Variants in BMS1 observed in about 807,000 individuals in gnomAD.
BMS1 encodes ribosome biogenesis protein BMS1 homolog.
In BMS1, 53 loss-of-function variants were observed where a neutral mutation model predicts 138.7. The ratio of observed to expected loss-of-function variants is 0.38; its 90% CI spans 0.31 to 0.48. The LOEUF (loss-of-function observed/expected upper bound fraction) is 0.48. Ranked by LOEUF, BMS1 falls within the 20% of genes least tolerant of loss-of-function variation. The pLI is 0.97. For synonymous variants in BMS1, 504 were observed against 539.9 expected, an observed-to-expected ratio of 0.93 and a Z score of 0.92; for missense variants, 1,360 against 1,565.5, an observed-to-expected ratio of 0.87 and a Z score of 2.22.
intron 22 of BMS1, 64 bp downstream of exon 22, chr10:42,830,486 C>T: frequency 6.5e-7 from 1 of 1,538,406 alleles, no homozygotes; most frequent in Non-Finnish European, 8.7e-7. Context: ...CTCAATAGCA[C>T]ACTTCCTGTT....
intron 9 of BMS1, among the ~76,000 whole-genome samples, chr10:42,795,212 G>A (rs966593189): frequency 3.2e-4 from 49 of 152,098 alleles, no homozygotes; most frequent in African/African-American, 7.5e-4. Flanking sequence ...TGAATAGTGC[G>A]GCAATAAACA....
chr10:42,831,412 T>C lies in BMS1; in HGVS notation c.*316T>C, dbSNP rs1842797556. On this transcript the variant is annotated 3_prime_UTR_variant, in exon 23 of 23. Coordinates refer to ENST00000374518, the MANE Select transcript of BMS1 (RefSeq NM_014753.4). Reference sequence around the variant, plus strand: ...AAATATTTTTTTGTTACTTTTGGCTTAGTAGTTTTCATTAGGGATGAATGC... The same window carrying C: ...AAATATTTTTTTGTTACTTTTGGCTCAGTAGTTTTCATTAGGGATGAATGC... 4.3e-6 allele frequency: 1 copy of C among 234,596 alleles called. No individual in the cohort carries two copies. Among genetic ancestry groups the C allele is most frequent in the Non-Finnish European group, 8.4e-6 (1 of 119,142 alleles). The allele number at this position is 234,596 out of a possible 1,614,324, so 14.5% of individuals were successfully genotyped here.
chr10:42,823,200 A>G lies in BMS1; in HGVS notation c.3215A>G (p.Lys1072Arg). ...RTVSGIRGQI[K>R]KALRAPEGAF... ...GTCAGTGGGATAAGGGGGCAGATCA[A>G]GAAAGCACTCCGAGCTCCAGAAGGA... The change falls in exon 20 of 23, where the codon AAG becomes AGG. Residue 1072 changes from lysine to arginine, a missense_variant. Around this residue, in one of 3 missense-constraint regions of BMS1, gnomAD observed 425 missense variants for 568.3 expected, o/e 0.75. Transcript: ENST00000374518. 6.2e-7 allele frequency: 1 copy of G among 1,607,804 alleles called. No individual in the cohort carries two copies. The highest frequency in any genetic ancestry group is 1.1e-5 in the South Asian group (1 of 90,142).
rs1327174035 is a variant in BMS1, at chr10:42,833,105, G to T, written c.*2009G>T. Reference sequence around the variant, plus strand: ...AGAGTGGAATCCTTTAGCAATGGGGGAAATAAAAGAATGTTTAATTACAGT... The same window carrying T: ...AGAGTGGAATCCTTTAGCAATGGGGTAAATAAAAGAATGTTTAATTACAGT... On this transcript the variant is annotated 3_prime_UTR_variant, in exon 23 of 23. Coordinates refer to ENST00000374518, the MANE Select transcript of BMS1 (RefSeq NM_014753.4). The T allele has an allele frequency of 6.6e-6, 1 of 152,128 alleles. No individual in the cohort carries two copies. The highest frequency in any genetic ancestry group is 2.4e-5 in the African/African-American group (1 of 41,430). 9.4% of individuals were successfully genotyped at this position (152,128 alleles called of 1,614,324 possible).
At chr10:42,784,695 G>A (rs1841269834) in intron 2 of BMS1, 125 bp downstream of exon 2, 1 of 1,149,446 alleles carries the variant, frequency 8.7e-7, no homozygotes, top group Admixed American at 2.9e-5. Flanking sequence ...GATTCATGGT[G>A]TGTGGCTTTC....
chr10:42,793,475 A>G (rs1193035167), intron 8 of BMS1, among the ~76,000 whole-genome samples: 6 of 151,974 alleles, frequency 3.9e-5, no homozygotes, highest in African/African-American at 7.3e-5. Context: ...CTCATTCACA[A>G]TGGTCTCCTC....
At chr10:42,800,973 C>T (rs958927042) in intron 12 of BMS1, among the ~76,000 whole-genome samples, 3 of 152,174 alleles carry the variant, frequency 2.0e-5, no homozygotes, top group Admixed American at 2.0e-4. Flanking sequence ...CTCTTTATCC[C>T]ACCTGTGGCC....
chr10:42,806,098 T>C (rs985635322), intron 13 of BMS1, among the ~76,000 whole-genome samples: 12 of 152,140 alleles, frequency 7.9e-5, no homozygotes, highest in Non-Finnish European at 1.3e-4. Context: ...TCTAAGTAAA[T>C]ACTTCTTACT....
In BMS1 at chr10:42,833,365, T is replaced by A. The variant is rs1397471292; in HGVS notation, c.*2269T>A. ...ACCTGGCCAGGTTAGTAAAATACAGTCACACATCAGTTAAGGATGGGGATA... is the reference window on the plus strand; with the variant it reads ...ACCTGGCCAGGTTAGTAAAATACAGACACACATCAGTTAAGGATGGGGATA... On this transcript the variant is annotated 3_prime_UTR_variant, in exon 23 of 23. Transcript: ENST00000374518. 6.6e-6 allele frequency: 1 copy of A among 152,238 alleles called. No individual in the cohort carries two copies. Among genetic ancestry groups the A allele is most frequent in the Admixed American group, 6.5e-5 (1 of 15,284 alleles). 9.4% of individuals were successfully genotyped at this position (152,238 alleles called of 1,614,324 possible). A position where few individuals can be genotyped will look rare whatever the true frequency, so the allele number is the denominator to read the frequency against.
In BMS1 at chr10:42,792,522, T is replaced by A; in HGVS notation, c.809T>A (p.Ile270Asn). ...RMEDLTNPED[I>N]RTNIKCDRKV... Reference sequence around the variant, plus strand: ...GAAGATTTGACAAACCCAGAGGATATCCGAACAAACATCAAATGTGACCGG... The same window carrying A: ...GAAGATTTGACAAACCCAGAGGATAACCGAACAAACATCAAATGTGACCGG... The change falls in exon 7 of 23, where the codon ATC becomes AAC. Residue 270 changes from isoleucine (I) to asparagine (N), a missense_variant. Ile to Asn is a moderately radical substitution (Grantham distance 149). Coordinates refer to ENST00000374518, the MANE Select transcript of BMS1 (RefSeq NM_014753.4). 1 of 1,611,826 alleles carries A rather than the reference T, an allele frequency of 6.2e-7. No homozygotes were observed. Among genetic ancestry groups the A allele is most frequent in the Non-Finnish European group, 8.5e-7 (1 of 1,179,794 alleles).
rs550396032 is a variant in BMS1 at position 42,784,669 on chromosome 10, C to G, written c.176+99C>G. 22 of 1,344,178 alleles carry G rather than the reference C, an allele frequency of 1.6e-5. No individual in the cohort carries two copies. The South Asian group carries it at 3.7e-4, about 22-fold the overall frequency. 83.3% of individuals were successfully genotyped at this position (1,344,178 alleles called of 1,614,324 possible). ...ATTTGGATTCACGAGTCTAGTCCAG[C>G]TCCAAAGGACATGGAGATTCATGGT... On this transcript the variant is annotated intron_variant, in intron 2 of 22. Coordinates refer to ENST00000374518, the MANE Select transcript of BMS1 (RefSeq NM_014753.4).
chr10:42,816,556 C>T lies in BMS1; in HGVS notation c.2330-43C>T, dbSNP rs374528239. The stretch of plus-strand genomic sequence containing the variant: ...TGGTAGGTGGGGCCAGCAGCACATG[C>T]ATACCTGGCTCACAGAGCAGCCTTT... On this transcript the variant is annotated intron_variant, in intron 13 of 22. Coordinates refer to ENST00000374518, the MANE Select transcript of BMS1 (RefSeq NM_014753.4). The T allele has an allele frequency of 1.1e-4, 176 of 1,540,480 alleles. No homozygotes were observed. In the Admixed American group the frequency reaches 1.5e-3, roughly 13 times the overall value.
Position 42,793,221 on chromosome 10 carries a change from T to A in BMS1, c.1089+77T>A. On this transcript the variant is annotated intron_variant, in intron 8 of 22. Coordinates refer to ENST00000374518, the MANE Select transcript of BMS1 (RefSeq NM_014753.4). ...TCTATTTTTTAATCACAAAAAGTAA[T>A]GTACTCAGCTTTTATTTATTGAAGA... 1.8e-5 allele frequency: 25 copies of A among 1,414,558 alleles called. No homozygotes were observed. The South Asian group carries it at 3.4e-4, about 19-fold the overall frequency. 87.6% of individuals were successfully genotyped at this position (1,414,558 alleles called of 1,614,324 possible).
intron 4 of BMS1, among the ~76,000 whole-genome samples, chr10:42,789,298 C>T (rs1841432339): frequency 6.6e-6 from 1 of 152,194 alleles, no homozygotes; most frequent in Admixed American, 6.5e-5. Flanking sequence ...TGCTTGCTGC[C>T]TCAGTCCACA....
intron 22 of BMS1, 64 bp from the exon 23 acceptor site, chr10:42,830,802 C>T (rs1588766261): frequency 2.9e-6 from 4 of 1,401,676 alleles, no homozygotes; most frequent in South Asian, 1.3e-5. Flanking sequence ...AGTCTTAGTG[C>T]TTAGGATGCG....
At chr10:42,810,980 T>G (rs1842157605) in intron 13 of BMS1, among the ~76,000 whole-genome samples, 1 of 152,188 alleles carries the variant, frequency 6.6e-6, no homozygotes, top group Admixed American at 6.5e-5. Context: ...ACCAGCTTTT[T>G]GTTTCATTGA....
intron 13 of BMS1, among the ~76,000 whole-genome samples, chr10:42,809,123 A>G (rs1302649533): frequency 6.6e-6 from 1 of 152,214 alleles, no homozygotes; most frequent in African/African-American, 2.4e-5. Context: ...TGAGTATTAA[A>G]ATAGATGAAC....
intron 13 of BMS1, among the ~76,000 whole-genome samples, chr10:42,809,849 G>A (rs879705890): frequency 1.3e-5 from 2 of 151,952 alleles, no homozygotes; most frequent in South Asian, 2.1e-4. Flanking sequence ...GCAGTGGTGC[G>A]ATCATGGCTC....
chr10:42,815,797 T>C (rs1480167477), intron 13 of BMS1, among the ~76,000 whole-genome samples: 2 of 152,184 alleles, frequency 1.3e-5, no homozygotes, highest in Admixed American at 1.3e-4. Flanking sequence ...GCTCTTCCCA[T>C]GGGTTTGGTG....
Sources: allele counts gnomAD v4.1 joint callset (sites outside exome capture counted in the v4.1 genomes callset), GRCh38; gene constraint gnomAD v4.1.1; regional missense constraint gnomAD v4.1.1; transcripts MANE v1.5; gene names NCBI Gene and HGNC (gene_info 2026-07-23, HGNC 2026-07-21).